Variants in DNAAF11 observed in about 807,000 individuals in gnomAD.
DNAAF11 encodes the protein dynein axonemal assembly factor 11.
Under a neutral mutation model 60.8 loss-of-function variants are expected in DNAAF11, and 45 were observed. That is an observed-to-expected ratio of 0.74 (90% CI 0.58 to 0.95). The LOEUF (loss-of-function observed/expected upper bound fraction) is 0.95, where lower values mean the gene tolerates loss of function less well. DNAAF11 is among the 40% of genes least tolerant of loss of function. The pLI is 0.00. For synonymous variants in DNAAF11, 191 were observed against 183.5 expected (o/e 1.04, Z -0.33); for missense variants, 546 against 546.2 (o/e 1.00, Z 0.00).
chr8:132,686,525 T>C, the DNAAF11 span, among the ~76,000 whole-genome samples: 4,349 of 152,232 alleles, frequency 0.029, 240 homozygotes, highest in African/African-American at 0.099. Context: ...ATTCCAACAC[T>C]ACTGCATTGC....
intron 11 of DNAAF11, among the ~76,000 whole-genome samples, chr8:132,575,334 G>A (rs1270064191): frequency 6.6e-6 from 1 of 152,190 alleles, no homozygotes; most frequent in East Asian, 1.9e-4. Context: ...CAGGCATTCC[G>A]TAAGTGTCAG....
At chr8:132,664,909 A>T (rs1268586969) in intron 1 of DNAAF11, among the ~76,000 whole-genome samples, 1 of 152,202 alleles carries the variant, frequency 6.6e-6, no homozygotes, top group Non-Finnish European at 1.5e-5. Flanking sequence ...AGATGAGAAA[A>T]ATCCCTATTA....
upstream of DNAAF11, among the ~76,000 whole-genome samples, chr8:132,677,334 C>A (rs1158066565): frequency 2.0e-5 from 3 of 152,110 alleles, no homozygotes; most frequent in Admixed American, 2.0e-4. Flanking sequence ...AGCATGAGGT[C>A]AGGCCTACTA....
chr8:132,658,986 C>T (rs528206243), intron 2 of DNAAF11, among the ~76,000 whole-genome samples: 29 of 152,252 alleles, frequency 1.9e-4, no homozygotes, highest in African/African-American at 7.0e-4. Context: ...TAAGCAGGCC[C>T]ACAAACTTGG....
At chr8:132,675,612 G>C, upstream of DNAAF11, 3 of 1,120,514 alleles carry the variant, frequency 2.7e-6, no homozygotes, top group Non-Finnish European at 3.7e-6. Context: ...TGGCAACGGG[G>C]ACTCTACGGC....
At chr8:132,600,373 A>T (rs1186819175) in intron 10 of DNAAF11, among the ~76,000 whole-genome samples, 1 of 152,214 alleles carries the variant, frequency 6.6e-6, no homozygotes, top group Admixed American at 6.5e-5. Flanking sequence ...ATTCAATGCC[A>T]TCCCCATCAA....
At chr8:132,673,083 T>C (rs1322143187) in intron 1 of DNAAF11, among the ~76,000 whole-genome samples, 1 of 152,092 alleles carries the variant, frequency 6.6e-6, no homozygotes, top group Non-Finnish European at 1.5e-5. Flanking sequence ...AGAGAACATG[T>C]AAAAAGGGTT....
At chr8:132,619,783 G>A (rs1184539708) in intron 7 of DNAAF11, among the ~76,000 whole-genome samples, 1 of 152,174 alleles carries the variant, frequency 6.6e-6, no homozygotes, top group East Asian at 1.9e-4. Context: ...TAGCAGAGTG[G>A]AGAGAACTAG....
chr8:132,573,620 C>T (rs935078283), intron 11 of DNAAF11, among the ~76,000 whole-genome samples: 2 of 152,106 alleles, frequency 1.3e-5, no homozygotes, highest in African/African-American at 4.8e-5. Context: ...AAGAAATTAT[C>T]TCTGACCTAA....
chr8:132,631,292 T>C (rs1820771476), intron 5 of DNAAF11, among the ~76,000 whole-genome samples: 1 of 152,160 alleles, frequency 6.6e-6, no homozygotes, highest in Non-Finnish European at 1.5e-5. Context: ...CTGGCACCAC[T>C]AGGAAGACCA....
intron 1 of DNAAF11, among the ~76,000 whole-genome samples, chr8:132,662,350 C>CGAT (rs1040127081): frequency 5.9e-5 from 9 of 152,140 alleles, no homozygotes; most frequent in African/African-American, 2.2e-4. Context: ...GGACATAGCA[C>CGAT]TATCTATGGT....
At chr8:132,697,485 G>A in the DNAAF11 span, among the ~76,000 whole-genome samples, 4 of 152,102 alleles carry the variant, frequency 2.6e-5, no homozygotes, top group Non-Finnish European at 4.4e-5. Flanking sequence ...GGGTGTGGTG[G>A]CATGCACCTG....
the DNAAF11 span, among the ~76,000 whole-genome samples, chr8:132,694,998 G>A: frequency 6.6e-6 from 1 of 152,192 alleles, no homozygotes; most frequent in Non-Finnish European, 1.5e-5. Context: ...AGTGCTTTAA[G>A]AAGGAGGGAG....
intron 1 of DNAAF11, among the ~76,000 whole-genome samples, chr8:132,670,152 T>C (rs1825044068): frequency 6.6e-6 from 1 of 151,344 alleles, no homozygotes; most frequent in Non-Finnish European, 1.5e-5. Flanking sequence ...ATAATGAAGA[T>C]TATAACAGAA....
At chr8:132,648,592 A>G (rs1035171839) in intron 3 of DNAAF11, among the ~76,000 whole-genome samples, 3 of 152,226 alleles carry the variant, frequency 2.0e-5, no homozygotes, top group Non-Finnish European at 4.4e-5. Flanking sequence ...AGATGACATG[A>G]TTGTATATTT....
chr8:132,601,980 C>T (rs1264942723), intron 10 of DNAAF11, among the ~76,000 whole-genome samples: 1 of 151,944 alleles, frequency 6.6e-6, no homozygotes, highest in Non-Finnish European at 1.5e-5. Context: ...ATGACACTAA[C>T]TAAACATGTT....
chr8:132,695,296 A>G, the DNAAF11 span, among the ~76,000 whole-genome samples: 2 of 152,164 alleles, frequency 1.3e-5, no homozygotes, highest in South Asian at 4.1e-4. Context: ...CTTATTTAAG[A>G]CAGGTATTAT....
intron 5 of DNAAF11, among the ~76,000 whole-genome samples, chr8:132,631,206 G>A (rs2130430950): frequency 6.6e-6 from 1 of 152,282 alleles, no homozygotes; most frequent in South Asian, 2.1e-4. Flanking sequence ...CTATTCCTGT[G>A]AGAATAGGAA....
In DNAAF11 at chr8:132,611,375, AAC is replaced by A; in HGVS notation, c.975-14_975-13del. On this transcript the variant is annotated splice_polypyrimidine_tract_variant and intron_variant, in intron 8 of 11. Transcript: ENST00000620350. Reference sequence around the variant, plus strand: ...AGGTATCCATATACCTTCAAAATTAAACACAGAAAATCTTATAATTTTAAAAA... The same window carrying A: ...AGGTATCCATATACCTTCAAAATTAAACAGAAAATCTTATAATTTTAAAAA... 6.6e-7 allele frequency: 1 copy of A among 1,517,062 alleles called. No individual in the cohort carries two copies. The highest frequency in any genetic ancestry group is 9.1e-7 in the Non-Finnish European group (1 of 1,096,176). 94.0% of individuals were successfully genotyped at this position (1,517,062 alleles called of 1,614,324 possible).
Sources: allele counts gnomAD v4.1 joint callset (sites outside exome capture counted in the v4.1 genomes callset), GRCh38; gene constraint gnomAD v4.1.1; transcripts MANE v1.5; gene names NCBI Gene and HGNC (gene_info 2026-07-23, HGNC 2026-07-21).